AMMECR1: variants seen among roughly 807,000 people sequenced by gnomAD.
AMMECR1 encodes the protein nuclear protein AMMECR1.
Under a neutral mutation model 22.5 loss-of-function variants are expected in AMMECR1, and 3 were observed. The ratio of observed to expected loss-of-function variants is 0.13; its 90% CI spans 0.06 to 0.35. The LOEUF (loss-of-function observed/expected upper bound fraction) is 0.35, where lower values mean the gene tolerates loss of function less well. AMMECR1 is among the 10% of genes least tolerant of loss of function. AMMECR1 has a pLI of 1.00. For missense variants in AMMECR1, 235 were observed against 278.7 expected, an observed-to-expected ratio of 0.84 and a Z score of 1.12; for synonymous variants, 130 against 116.7, an observed-to-expected ratio of 1.11 and a Z score of -0.74.
intron 2 of AMMECR1, among the ~76,000 whole-genome samples, chrX:110,420,199 T>A (rs1362984998): frequency 4.5e-5 from 5 of 112,054 alleles, no homozygotes; most frequent in Non-Finnish European, 9.4e-5. Context: ...CAGGGGTTTG[T>A]TTACTTGTCT....
intron 2 of AMMECR1, among the ~76,000 whole-genome samples, chrX:110,348,073 C>CTT (rs200959015): frequency 9.0e-6 from 1 of 111,557 alleles, no homozygotes; most frequent in African/African-American, 3.3e-5. Context: ...ACATGGTTAC[C>CTT]TTTTTTTGGC....
chrX:110,225,918 A>G (rs1197325824), intron 2 of AMMECR1, among the ~76,000 whole-genome samples: 5 of 112,171 alleles, frequency 4.5e-5, no homozygotes, highest in Non-Finnish European at 7.5e-5. Flanking sequence ...ACTCTCCAAC[A>G]TGGACCAAAG....
intron 2 of AMMECR1, among the ~76,000 whole-genome samples, chrX:110,394,459 C>T (rs1482984633): frequency 2.4e-4 from 27 of 112,005 alleles, no homozygotes; most frequent in African/African-American, 7.1e-4. Context: ...CACCATGTTG[C>T]CCAGGCTGGT....
chrX:110,423,946 G>A (rs910665416), intron 2 of AMMECR1, among the ~76,000 whole-genome samples: 1 of 112,257 alleles, frequency 8.9e-6, no homozygotes, highest in Non-Finnish European at 1.9e-5. Flanking sequence ...TTTTTTCATG[G>A]CATTTTGCTA....
At chrX:110,406,140 G>C (rs1196912658) in intron 2 of AMMECR1, among the ~76,000 whole-genome samples, 1 of 108,871 alleles carries the variant, frequency 9.2e-6, no homozygotes, top group African/African-American at 3.4e-5. Context: ...CAAGTTCTGT[G>C]TTACATGTGC....
chrX:110,422,574 C>T (rs1018582406), intron 2 of AMMECR1, among the ~76,000 whole-genome samples: 1 of 112,721 alleles, frequency 8.9e-6, no homozygotes, highest in Non-Finnish European at 1.9e-5. Flanking sequence ...ACAAAGAACA[C>T]AAAGTGGTTT....
intron 2 of AMMECR1, among the ~76,000 whole-genome samples, chrX:110,341,810 A>G (rs1383881554): frequency 2.7e-5 from 3 of 112,539 alleles, no homozygotes; most frequent in African/African-American, 9.7e-5. Context: ...CACGCCTGTA[A>G]TCCCAACACT....
intron 2 of AMMECR1, among the ~76,000 whole-genome samples, chrX:110,369,636 T>G (rs780007455): frequency 4.8e-4 from 54 of 111,655 alleles, no homozygotes; most frequent in Non-Finnish European, 1.9e-4. Context: ...AGTCTCCCTC[T>G]GCCCCCAGCC....
intron 1 of AMMECR1, among the ~76,000 whole-genome samples, chrX:110,302,960 G>A (rs1319346328): frequency 9.0e-6 from 1 of 111,596 alleles, no homozygotes. Context: ...TTCAAATTTG[G>A]GGTGGGAGAG....
chrX:110,215,372 C>T (rs186731806), intron 3 of AMMECR1, among the ~76,000 whole-genome samples: 2,644 of 111,185 alleles, frequency 0.024, 39 homozygotes, highest in Non-Finnish European at 0.04. Context: ...TTATAAATGT[C>T]TTATTCTGTA....
intron 2 of AMMECR1, among the ~76,000 whole-genome samples, chrX:110,366,232 T>G (rs1473776811): frequency 8.9e-6 from 1 of 112,088 alleles, no homozygotes. Context: ...TGAGGATTGA[T>G]GTTGATAGTA....
intron 1 of AMMECR1, among the ~76,000 whole-genome samples, chrX:110,300,930 T>C (rs1480234250): frequency 8.9e-6 from 1 of 111,784 alleles, no homozygotes; most frequent in African/African-American, 3.3e-5. Flanking sequence ...TTTGAAGAGG[T>C]TTACAACAAC....
intron 2 of AMMECR1, among the ~76,000 whole-genome samples, chrX:110,423,149 G>A (rs1031316650): frequency 2.7e-5 from 3 of 111,155 alleles, no homozygotes; most frequent in East Asian, 2.8e-4. Flanking sequence ...CCAACATGGC[G>A]AAACCCTGTC....
At chrX:110,288,723 C>A (rs986465028) in intron 1 of AMMECR1, among the ~76,000 whole-genome samples, 2 of 111,852 alleles carry the variant, frequency 1.8e-5, no homozygotes, top group Non-Finnish European at 3.8e-5. Flanking sequence ...ATTGTTTGTA[C>A]TTATTCTTTC....
At chrX:110,359,176 G>C (rs1387520990) in intron 2 of AMMECR1, among the ~76,000 whole-genome samples, 1 of 111,332 alleles carries the variant, frequency 9.0e-6, no homozygotes, top group Non-Finnish European at 1.9e-5. Flanking sequence ...TCTGGATCTA[G>C]TGGCTGTGTT....
intron 1 of AMMECR1, among the ~76,000 whole-genome samples, chrX:110,279,534 G>T (rs2067842187): frequency 9.0e-6 from 1 of 111,403 alleles, no homozygotes; most frequent in Admixed American, 9.5e-5. Context: ...AATCTTTCTG[G>T]GAGTATCAGT....
At chrX:110,286,703 C>G (rs1250411643) in intron 1 of AMMECR1, among the ~76,000 whole-genome samples, 3 of 108,666 alleles carry the variant, frequency 2.8e-5, no homozygotes, top group Non-Finnish European at 5.7e-5. Flanking sequence ...AGCATGTATG[C>G]AAAGTTACTT....
intron 3 of AMMECR1, among the ~76,000 whole-genome samples, 174 bp from the exon 4 acceptor site, chrX:110,202,710 C>T (rs892372349): frequency 1.5e-4 from 17 of 111,638 alleles, no homozygotes; most frequent in African/African-American, 5.5e-4. Flanking sequence ...ATTATGATGG[C>T]CACGGAGAGG....
chrX:110,210,430 T>C (rs2067442274), intron 3 of AMMECR1, among the ~76,000 whole-genome samples: 1 of 111,545 alleles, frequency 9.0e-6, no homozygotes, highest in Non-Finnish European at 1.9e-5. Flanking sequence ...ATGTATATCA[T>C]AGTTGGGAAA....
Sources: allele counts gnomAD v4.1 joint callset (sites outside exome capture counted in the v4.1 genomes callset), GRCh38; gene constraint gnomAD v4.1.1; transcripts MANE v1.5; gene names NCBI Gene and HGNC (gene_info 2026-07-23, HGNC 2026-07-21).